The following SLC25A17 variants were observed in gnomAD, a reference collection of about 807,000 sequenced individuals.
SLC25A17 encodes solute carrier family 25 member 17.
A neutral mutation model predicts 38.5 loss-of-function variants in SLC25A17; 26 were observed. That is an observed-to-expected ratio of 0.68 (90% CI 0.50 to 0.94). The LOEUF (loss-of-function observed/expected upper bound fraction) is 0.94, where lower values mean the gene tolerates loss of function less well. Ranked by LOEUF, SLC25A17 falls within the 40% of genes least tolerant of loss-of-function variation. The probability of loss-of-function intolerance (pLI) is 0.00; values close to 1 mark genes in which losing one functional copy is unlikely to be tolerated. For synonymous variants in SLC25A17, 139 were observed against 136.2 expected, an observed-to-expected ratio of 1.02 and a Z score of -0.14; for missense variants, 333 against 372.7, an observed-to-expected ratio of 0.89 and a Z score of 0.88.
chr22:40,810,265 T>C (rs1385566434), intron 1 of SLC25A17, among the ~76,000 whole-genome samples: 1 of 152,178 alleles, frequency 6.6e-6, no homozygotes, highest in Non-Finnish European at 1.5e-5. Flanking sequence ...CTGTATCTAA[T>C]ATGTTCAGAA....
At chr22:40,802,112 G>C (rs2145691664) in intron 1 of SLC25A17, among the ~76,000 whole-genome samples, 1 of 152,092 alleles carries the variant, frequency 6.6e-6, no homozygotes, top group African/African-American at 2.4e-5. Context: ...TTCTTTGAAG[G>C]GTACTGCATA....
chr22:40,779,879 ATATT>A (rs1253270866), intron 4 of SLC25A17: 5 of 150,778 alleles, frequency 3.3e-5, no homozygotes, highest in Non-Finnish European at 7.4e-5. Flanking sequence ...AGATATTAAA[ATATT>A]CCTCACCAGT....
rs541318177 is a variant in SLC25A17, at chr22:40,772,135, T to C, written c.777-1154A>G. 1.2e-4 allele frequency among the ~76,000 whole-genome samples: 19 copies of C among 152,134 alleles called. 1 individual carries two copies. The South Asian group carries it at 3.7e-3, about 30-fold the overall frequency. On this transcript the variant is annotated intron_variant, in intron 8 of 8. Transcript: ENST00000435456. ...GGATGGCTGGGTCCTATAATAGGTG[T>C]GGTATATAAAAATTTTTAAAGAAAA...
chr22:40,794,379 C>T (rs912758161), intron 3 of SLC25A17, 135 bp downstream of exon 3: 1 of 561,446 alleles, frequency 1.8e-6, no homozygotes, highest in Non-Finnish European at 3.2e-6. Context: ...CAATTATGTA[C>T]TTATAAATCA....
chr22:40,803,636 C>T (rs2057502999), intron 1 of SLC25A17, among the ~76,000 whole-genome samples: 1 of 151,854 alleles, frequency 6.6e-6, no homozygotes, highest in African/African-American at 2.4e-5. Context: ...CTTTGACACG[C>T]TGATTTCATT....
intron 4 of SLC25A17, among the ~76,000 whole-genome samples, chr22:40,781,770 G>A (rs960119878): frequency 1.3e-5 from 2 of 152,022 alleles, no homozygotes; most frequent in Non-Finnish European, 2.9e-5. Context: ...TTGAGAATCC[G>A]AAGCTTTACT....
intron 1 of SLC25A17, among the ~76,000 whole-genome samples, chr22:40,815,200 T>A (rs1225397389): frequency 6.6e-6 from 1 of 152,042 alleles, no homozygotes; most frequent in Non-Finnish European, 1.5e-5. Context: ...CCAGATCAGA[T>A]TGGTATAGTT....
At chr22:40,801,130 TATATATATATATATA>T (rs1569410149) in intron 1 of SLC25A17, among the ~76,000 whole-genome samples, 428 of 19,378 alleles carry the variant, frequency 0.022, 7 homozygotes, top group African/African-American at 0.084. Flanking sequence ...ATATATTACA[TATATATATATATATA>T]TATATATATA....
In SLC25A17 at chr22:40,789,044, T is replaced by C. The variant is rs79882828; in HGVS notation, c.334+3481A>G. 1.2e-3 allele frequency: 366 copies of C among 299,114 alleles called. 1 individual carries two copies. The highest frequency in any genetic ancestry group is 1.9e-3 in the Non-Finnish European group (279 of 148,196). 18.5% of individuals were successfully genotyped at this position (299,114 alleles called of 1,614,324 possible). ...TTCTTCGTATTCTCATAGTATGGGTTCCATCCTATGCTCACCACCATCTTC... is the reference window on the plus strand; with the variant it reads ...TTCTTCGTATTCTCATAGTATGGGTCCCATCCTATGCTCACCACCATCTTC... On this transcript the variant is annotated intron_variant, in intron 4 of 8. Coordinates refer to ENST00000435456, the MANE Select transcript of SLC25A17 (RefSeq NM_006358.4). This position sits in a 1 kb window ranked among gnomAD's most constrained non-coding sequence, Gnocchi z 4.5.
chr22:40,806,118 C>T (rs2057527657), intron 1 of SLC25A17, among the ~76,000 whole-genome samples: 1 of 152,156 alleles, frequency 6.6e-6, no homozygotes, highest in Admixed American at 6.6e-5. Flanking sequence ...TCATATTTTG[C>T]CAGAAACCCA....
intron 2 of SLC25A17, among the ~76,000 whole-genome samples, chr22:40,796,763 C>A (rs2057434435): frequency 6.6e-6 from 1 of 152,134 alleles, no homozygotes; most frequent in South Asian, 2.1e-4. Flanking sequence ...ATTCTTACAT[C>A]ATTTCTGTAA....
At chr22:40,774,803 A>G (rs1011648117) in intron 7 of SLC25A17, among the ~76,000 whole-genome samples, 3 of 152,210 alleles carry the variant, frequency 2.0e-5, no homozygotes, top group Non-Finnish European at 4.4e-5. Flanking sequence ...AAAATAATAT[A>G]TTAGTAAAAA....
Position 40,792,692 on chromosome 22 carries a change from A to G in SLC25A17, c.183-16T>C. On this transcript the variant is annotated splice_polypyrimidine_tract_variant and intron_variant, in intron 3 of 8. Transcript: ENST00000435456. ...TGGTGCCAGGCTAGGGGAAAAACAC[A>G]ATAAGCAAAGTAAAGGTCATGGACA... 1 of 1,613,436 alleles carries G rather than the reference A, an allele frequency of 6.2e-7. No homozygotes were observed. The highest frequency in any genetic ancestry group is 8.5e-7 in the Non-Finnish European group (1 of 1,179,704).
chr22:40,795,812 G>C (rs2057424222), intron 2 of SLC25A17, among the ~76,000 whole-genome samples: 1 of 151,878 alleles, frequency 6.6e-6, no homozygotes, highest in African/African-American at 2.4e-5. Context: ...TTTTGAGACG[G>C]AGTCTCGCTT....
chr22:40,785,278 G>C (rs1191757874), intron 4 of SLC25A17, among the ~76,000 whole-genome samples: 1 of 152,250 alleles, frequency 6.6e-6, no homozygotes, highest in African/African-American at 2.4e-5. Flanking sequence ...CAGCTACTTG[G>C]GAGGCTGAGA....
intron 1 of SLC25A17, among the ~76,000 whole-genome samples, chr22:40,813,613 A>G (rs965821004): frequency 6.6e-6 from 1 of 151,966 alleles, no homozygotes; most frequent in Non-Finnish European, 1.5e-5. Context: ...AGTCCCAGCT[A>G]CTCGGAAGGC....
chr22:40,799,012 T>C lies in SLC25A17; in HGVS notation c.115+11A>G. The C allele has an allele frequency of 6.3e-7, 1 of 1,581,796 alleles. No homozygotes were observed. Among genetic ancestry groups the C allele is most frequent in the Non-Finnish European group, 8.7e-7 (1 of 1,151,042 alleles). ...TGACACCATACAAATAGGAGTATGA[T>C]TTCTACTTACCCTGAAGTCGAAGTC... On this transcript the variant is annotated intron_variant, in intron 2 of 8. Transcript: ENST00000435456.
intron 1 of SLC25A17, among the ~76,000 whole-genome samples, chr22:40,817,574 A>C (rs1210548665): frequency 1.3e-5 from 2 of 152,126 alleles, no homozygotes; most frequent in African/African-American, 4.8e-5. Context: ...CAGTTACTGA[A>C]GCCAAAAACT....
At chr22:40,794,800 G>A (rs956332388) in intron 2 of SLC25A17, among the ~76,000 whole-genome samples, 3 of 151,916 alleles carry the variant, frequency 2.0e-5, no homozygotes, top group African/African-American at 7.3e-5. Flanking sequence ...TTGTATTTTA[G>A]TAGAGGCGGG....
Sources: allele counts gnomAD v4.1 joint callset (sites outside exome capture counted in the v4.1 genomes callset), GRCh38; gene constraint gnomAD v4.1.1; non-coding constraint Gnocchi (gnomAD v3.1); transcripts MANE v1.5; gene names NCBI Gene and HGNC (gene_info 2026-07-23, HGNC 2026-07-21).